The following MOB3B variants were observed in gnomAD, a reference collection of about 807,000 sequenced individuals.
MOB3B encodes the protein MOB kinase activator 3B.
In MOB3B, 7 loss-of-function variants were observed where a neutral mutation model predicts 18.7. The ratio of observed to expected loss-of-function variants is 0.37; its 90% CI spans 0.21 to 0.70. The LOEUF is 0.70. Among genes scored for constraint, MOB3B ranks in the 30% least tolerant of loss-of-function variants. MOB3B has a pLI of 0.52. For missense variants in MOB3B, 253 were observed against 281.3 expected, an observed-to-expected ratio of 0.90 and a Z score of 0.72; for synonymous variants, 111 against 99.9, an observed-to-expected ratio of 1.11 and a Z score of -0.66.
intron 3 of MOB3B, among the ~76,000 whole-genome samples, chr9:27,346,322 C>T (rs181291423): frequency 2.6e-4 from 39 of 152,264 alleles, no homozygotes; most frequent in African/African-American, 8.2e-4. Flanking sequence ...TATAGCAGCC[C>T]GAATGGTCTA....
chr9:27,487,358 A>G (rs1819744963), intron 1 of MOB3B, among the ~76,000 whole-genome samples: 1 of 152,010 alleles, frequency 6.6e-6, no homozygotes, highest in Middle Eastern at 3.2e-3. Flanking sequence ...ATCGGTTTAC[A>G]TTCCAGGGTA....
chr9:27,358,738 T>G, intron 3 of MOB3B: 1 of 570,230 alleles, frequency 1.8e-6, no homozygotes. Context: ...AGGAATTCAA[T>G]AAGTGGAAGA....
At chr9:27,502,467 T>C (rs978598282) in intron 1 of MOB3B, among the ~76,000 whole-genome samples, 4 of 152,232 alleles carry the variant, frequency 2.6e-5, no homozygotes, top group Non-Finnish European at 4.4e-5. Flanking sequence ...CAAACTACAG[T>C]ATACCCCAAA....
intron 1 of MOB3B, among the ~76,000 whole-genome samples, chr9:27,468,375 G>T (rs923654763): frequency 1.6e-4 from 25 of 152,146 alleles, no homozygotes; most frequent in African/African-American, 6.0e-4. Flanking sequence ...CTTTCTCCAG[G>T]GAACTGAAAA....
At chr9:27,481,511 GTTTTTTTTGT>G (rs1209642247) in intron 1 of MOB3B, among the ~76,000 whole-genome samples, 9 of 69,716 alleles carry the variant, frequency 1.3e-4, no homozygotes, top group Non-Finnish European at 2.3e-4. Context: ...TTTTTTTTTT[GTTTTTTTTGT>G]TTTTTTTTTT....
At chr9:27,433,594 G>T (rs1822449110) in intron 2 of MOB3B, among the ~76,000 whole-genome samples, 1 of 152,160 alleles carries the variant, frequency 6.6e-6, no homozygotes, top group African/African-American at 2.4e-5. Flanking sequence ...AGCCTACAAA[G>T]CTCCATCTCC....
At position 27,413,170 on chromosome 9, in the gene MOB3B, A is replaced by C. The variant is rs146256807; in HGVS notation, c.418+41963T>G. Among the ~76,000 whole-genome samples, 794 of 152,326 alleles carry C rather than the reference A, an allele frequency of 5.2e-3. 7 individuals carry two copies. The highest frequency in any genetic ancestry group is 0.018 in the African/African-American group (749 of 41,576). ...TGAGGAACTGAGGAGGAATTCTGCCATATCTCCATGGCTCCATTCCCCTGA... is the reference window on the plus strand; with the variant it reads ...TGAGGAACTGAGGAGGAATTCTGCCCTATCTCCATGGCTCCATTCCCCTGA... On this transcript the variant is annotated intron_variant, in intron 2 of 3. Coordinates refer to ENST00000262244, the MANE Select transcript of MOB3B (RefSeq NM_024761.5).
intron 3 of MOB3B, among the ~76,000 whole-genome samples, chr9:27,343,700 C>CTT (rs58115889): frequency 0.025 from 3,056 of 123,910 alleles, 94 homozygotes; most frequent in African/African-American, 0.063. Flanking sequence ...GAATTTTAGC[C>CTT]TTTTTTTTTT....
chr9:27,485,367 A>G (rs1819717416), intron 1 of MOB3B, among the ~76,000 whole-genome samples: 1 of 152,174 alleles, frequency 6.6e-6, no homozygotes, highest in Non-Finnish European at 1.5e-5. Context: ...GCAGAACCAG[A>G]ACTGAAACCC....
chr9:27,439,456 C>A (rs550430743), intron 2 of MOB3B, among the ~76,000 whole-genome samples: 1 of 152,282 alleles, frequency 6.6e-6, no homozygotes, highest in Admixed American at 6.5e-5. Context: ...AATTATTGAA[C>A]CATCTCATCT....
intron 2 of MOB3B, among the ~76,000 whole-genome samples, chr9:27,361,259 C>A (rs1821270959): frequency 6.6e-6 from 1 of 152,126 alleles, no homozygotes; most frequent in African/African-American, 2.4e-5. Flanking sequence ...GGATTTGAAC[C>A]AAGTCCGCCT....
rs147424160 is a variant in MOB3B at position 27,469,786 on chromosome 9, T to A, written c.-198-14038A>T. 3.0e-4 allele frequency among the ~76,000 whole-genome samples: 46 copies of A among 152,174 alleles called. No individual in the cohort carries two copies. The Middle Eastern group carries it at 0.01, about 34-fold the overall frequency. ...CTGACACTTAATGGCCCTTCAAAAC[T>A]TCCCCCCTCCCTTTTCGTGCCAGGC... On this transcript the variant is annotated intron_variant, in intron 1 of 3. Transcript: ENST00000262244.
intron 2 of MOB3B, among the ~76,000 whole-genome samples, chr9:27,373,035 A>G (rs1199293273): frequency 3.3e-5 from 5 of 152,214 alleles, no homozygotes; most frequent in Non-Finnish European, 5.9e-5. Context: ...TTATATTTAA[A>G]AAACACTCTG....
chr9:27,336,243 C>T (rs1820861456), intron 3 of MOB3B, among the ~76,000 whole-genome samples: 1 of 152,124 alleles, frequency 6.6e-6, no homozygotes, highest in Admixed American at 6.5e-5. Context: ...CAAAAACAAG[C>T]AAACAACATT....
chr9:27,501,256 T>C (rs534856226), intron 1 of MOB3B, among the ~76,000 whole-genome samples: 1 of 152,284 alleles, frequency 6.6e-6, no homozygotes, highest in Non-Finnish European at 1.5e-5. Flanking sequence ...ACTGGGTGTA[T>C]ACCCAAAGGA....
chr9:27,488,596 C>T (rs1350186651), intron 1 of MOB3B, among the ~76,000 whole-genome samples: 2 of 152,052 alleles, frequency 1.3e-5, no homozygotes, highest in Non-Finnish European at 2.9e-5. Flanking sequence ...TTAGTAGAGA[C>T]AGGGTTTCAC....
In MOB3B at chr9:27,342,565, T is replaced by C. The variant is rs2131340184; in HGVS notation, c.622-11949A>G. ...CCATCTTGGCTCACCGCAACCTCCCTGCCTGATTCTCCTGCCTCAGCCTGC... is the reference window on the plus strand; with the variant it reads ...CCATCTTGGCTCACCGCAACCTCCCCGCCTGATTCTCCTGCCTCAGCCTGC... On this transcript the variant is annotated intron_variant, in intron 3 of 3. Coordinates refer to ENST00000262244, the MANE Select transcript of MOB3B (RefSeq NM_024761.5). Among the ~76,000 whole-genome samples the C allele has an allele frequency of 2.0e-5, 3 of 152,024 alleles. No individual in the cohort carries two copies. The East Asian group carries it at 5.9e-4, about 30-fold the overall frequency.
chr9:27,413,328 T>A (rs76997217), intron 2 of MOB3B, among the ~76,000 whole-genome samples: 5 of 143,294 alleles, frequency 3.5e-5, no homozygotes, highest in African/African-American at 1.3e-4. Context: ...GAAATGGGAC[T>A]TTTTTTTTTT....
intron 2 of MOB3B, among the ~76,000 whole-genome samples, 153 bp from the exon 3 acceptor site, chr9:27,359,389 G>T (rs974151386): frequency 1.3e-5 from 2 of 150,308 alleles, no homozygotes; most frequent in South Asian, 2.1e-4. Flanking sequence ...GGGGGGGGGG[G>T]GTTGGTAGCA....
Sources: gnomAD v4.1 joint callset for allele counts (sites outside exome capture counted in the v4.1 genomes callset) on GRCh38, gnomAD v4.1.1 for gene constraint, MANE v1.5 for transcripts, NCBI Gene and HGNC (gene_info 2026-07-23, HGNC 2026-07-21) for gene names.